The following PALLD variants were observed in gnomAD, a reference collection of about 807,000 sequenced individuals.
PALLD encodes the protein palladin, cytoskeletal associated protein.
A neutral mutation model predicts 123.5 loss-of-function variants in PALLD; 61 were observed. The ratio of observed to expected loss-of-function variants is 0.49; its 90% CI spans 0.40 to 0.61. The LOEUF is 0.61. Among genes scored for constraint, PALLD ranks in the 20% least tolerant of loss-of-function variants. The pLI is 0.00. For synonymous variants in PALLD, 465 were observed against 496.4 expected (o/e 0.94, Z 0.84); for missense variants, 1,273 against 1,377.0 (o/e 0.92, Z 1.20).
At chr4:168,906,860 C>G (rs1757913225) in intron 15 of PALLD, among the ~76,000 whole-genome samples, 1 of 151,806 alleles carries the variant, frequency 6.6e-6, no homozygotes, top group Non-Finnish European at 1.5e-5. Context: ...AAAAAGAAAC[C>G]CTTGTTAACA....
chr4:168,595,435 A>G (rs1223993724), intron 2 of PALLD, among the ~76,000 whole-genome samples: 1 of 152,134 alleles, frequency 6.6e-6, no homozygotes. Context: ...TTCTTGTACT[A>G]GTTCACATCG....
intron 8 of PALLD, chr4:168,700,079 T>C (rs749294100): frequency 8.3e-5 from 27 of 326,330 alleles, no homozygotes; most frequent in South Asian, 7.6e-4. Flanking sequence ...TATTACAACC[T>C]GGCTCATCTC....
At position 168,511,638 on chromosome 4, in the gene PALLD, T is replaced by C; in HGVS notation, c.134T>C (p.Leu45Pro). ...GAAGAGATAAACAAGAGTCTTGACC[T>C]GGCCCGGAGAGCCATAGCCGACTCC... ...SQEEINKSLD[L>P]ARRAIADSET... is the part of the protein sequence containing the mutation. Residue 45 changes from leucine (L) to proline (P), a missense_variant, in exon 2 of 22, where the codon CTG becomes CCG. Coordinates refer to ENST00000505667, the MANE Select transcript of PALLD (RefSeq NM_001166108.2). The C allele has an allele frequency of 6.2e-7, 1 of 1,614,194 alleles. No individual in the cohort carries two copies. The highest frequency in any genetic ancestry group is 1.1e-5 in the South Asian group (1 of 91,086).
At chr4:168,630,516 C>T (rs989400141) in intron 2 of PALLD, among the ~76,000 whole-genome samples, 3 of 152,192 alleles carry the variant, frequency 2.0e-5, no homozygotes, top group Non-Finnish European at 4.4e-5. Flanking sequence ...ATACACTGAA[C>T]GCTTTTAACA....
intron 10 of PALLD, among the ~76,000 whole-genome samples, chr4:168,857,468 A>G (rs1209014725): frequency 6.6e-6 from 1 of 152,268 alleles, no homozygotes; most frequent in Non-Finnish European, 1.5e-5. Context: ...ACCAGGTAGA[A>G]TCAGCAAACT....
intron 10 of PALLD, among the ~76,000 whole-genome samples, chr4:168,874,649 A>AC (rs1553964396): frequency 1.2e-4 from 18 of 150,016 alleles, no homozygotes; most frequent in African/African-American, 4.4e-4. Flanking sequence ...ATAGCCACAG[A>AC]TTTTTTTTTT....
At chr4:168,743,497 A>G (rs1346364284) in intron 10 of PALLD, among the ~76,000 whole-genome samples, 2 of 152,162 alleles carry the variant, frequency 1.3e-5, no homozygotes, top group Admixed American at 1.3e-4. Context: ...AGGCAGTTCT[A>G]TGAAAAGGCA....
chr4:168,899,040 A>T (rs186423548), intron 14 of PALLD, among the ~76,000 whole-genome samples: 11 of 152,258 alleles, frequency 7.2e-5, no homozygotes, highest in Admixed American at 6.5e-4. Flanking sequence ...TTCCAAGGTC[A>T]GAGAGCTGGT....
At chr4:168,584,140 C>T (rs1022938077) in intron 2 of PALLD, among the ~76,000 whole-genome samples, 1 of 151,698 alleles carries the variant, frequency 6.6e-6, no homozygotes, top group Non-Finnish European at 1.5e-5. Flanking sequence ...TGTGGCTTTG[C>T]ATAATTGGAA....
At chr4:168,627,113 T>C (rs1260515433) in intron 2 of PALLD, among the ~76,000 whole-genome samples, 1 of 152,254 alleles carries the variant, frequency 6.6e-6, no homozygotes, top group African/African-American at 2.4e-5. Context: ...ACAACTAACA[T>C]TTAAAAAATT....
At chr4:168,804,736 A>C (rs1013203148) in intron 10 of PALLD, among the ~76,000 whole-genome samples, 2 of 152,254 alleles carry the variant, frequency 1.3e-5, no homozygotes, top group African/African-American at 2.4e-5. Flanking sequence ...CACAACACCA[A>C]ATCTTTGTCA....
intron 3 of PALLD, among the ~76,000 whole-genome samples, chr4:168,669,771 A>C (rs1347442903): frequency 6.6e-6 from 1 of 151,502 alleles, no homozygotes; most frequent in Non-Finnish European, 1.5e-5. Flanking sequence ...ATGTAGTAAC[A>C]ACTAATACTT....
intron 3 of PALLD, among the ~76,000 whole-genome samples, chr4:168,669,883 A>C (rs1780016960): frequency 6.6e-6 from 1 of 152,078 alleles, no homozygotes; most frequent in Admixed American, 6.6e-5. Context: ...TTTATAACTG[A>C]GGCCTGGAGA....
intron 10 of PALLD, among the ~76,000 whole-genome samples, chr4:168,824,305 G>C (rs1276063705): frequency 6.6e-6 from 1 of 151,826 alleles, no homozygotes; most frequent in Non-Finnish European, 1.5e-5. Context: ...ATCCTCTTAA[G>C]TGAATACTTT....
chr4:168,570,672 G>A (rs767346070), intron 2 of PALLD, among the ~76,000 whole-genome samples: 33 of 152,050 alleles, frequency 2.2e-4, no homozygotes, highest in Non-Finnish European at 4.1e-4. Flanking sequence ...TCCACACAAA[G>A]ATCCAAGCCA....
chr4:168,557,744 T>A (rs1767467110), intron 2 of PALLD, among the ~76,000 whole-genome samples: 2 of 152,196 alleles, frequency 1.3e-5, no homozygotes, highest in Non-Finnish European at 2.9e-5. Flanking sequence ...CCTAATCCCA[T>A]GTAATTCTCA....
At chr4:168,612,475 T>G (rs1185007597) in intron 2 of PALLD, among the ~76,000 whole-genome samples, 1 of 152,128 alleles carries the variant, frequency 6.6e-6, no homozygotes, top group Non-Finnish European at 1.5e-5. Context: ...GAGCCCCAAC[T>G]CCCTTGCTCC....
At chr4:168,860,262 G>C (rs1461000447) in intron 10 of PALLD, among the ~76,000 whole-genome samples, 1 of 152,210 alleles carries the variant, frequency 6.6e-6, no homozygotes, top group Admixed American at 6.5e-5. Flanking sequence ...AGTTGATATG[G>C]TGGAGAAGGA....
chr4:168,926,683 G>GTAACTACAATTTGTAT lies in PALLD; in HGVS notation c.*506_*521dup. On this transcript the variant is annotated 3_prime_UTR_variant, in exon 22 of 22. Transcript: ENST00000505667. ...ACTAAAGGAAATCAATTGTTCACAG[G>GTAACTACAATTTGTAT]TAACTACAATTTGTATTATCTACAA... 5.7e-6 allele frequency: 2 copies of GTAACTACAATTTGTAT among 349,282 alleles called. No homozygotes were observed. The highest frequency in any genetic ancestry group is 9.0e-5 in the South Asian group (2 of 22,288). 21.6% of individuals were successfully genotyped at this position (349,282 alleles called of 1,614,324 possible).
Sources: gnomAD v4.1 joint callset for allele counts (sites outside exome capture counted in the v4.1 genomes callset) on GRCh38, gnomAD v4.1.1 for gene constraint, MANE v1.5 for transcripts, NCBI Gene and HGNC (gene_info 2026-07-23, HGNC 2026-07-21) for gene names.